MRTFA: variants seen among roughly 807,000 people sequenced by gnomAD.
MRTFA encodes myocardin related transcription factor A.
A neutral mutation model predicts 83.5 loss-of-function variants in MRTFA; 20 were observed. The observed-to-expected ratio is 0.24, with a 90% CI of 0.17 to 0.35. The LOEUF is 0.35. Among genes scored for constraint, MRTFA ranks in the 10% least tolerant of loss-of-function variants. The pLI is 1.00. For synonymous variants in MRTFA, 659 were observed against 541.2 expected (o/e 1.22, Z -3.02); for missense variants, 1,200 against 1,224.7 (o/e 0.98, Z 0.30).
At chr22:40,541,913 G>A (rs2055297461) in intron 3 of MRTFA, among the ~76,000 whole-genome samples, 1 of 152,094 alleles carries the variant, frequency 6.6e-6, no homozygotes. Flanking sequence ...TAATCAGCCT[G>A]CCTCGGCCTC....
chr22:40,576,763 G>C (rs1451615378), intron 2 of MRTFA, among the ~76,000 whole-genome samples: 1 of 152,140 alleles, frequency 6.6e-6, no homozygotes, highest in African/African-American at 2.4e-5. Context: ...TATACCTAAA[G>C]TAGTTTGTTT....
At chr22:40,616,635 T>A (rs540771880) in intron 1 of MRTFA, among the ~76,000 whole-genome samples, 52 of 152,270 alleles carry the variant, frequency 3.4e-4, no homozygotes, top group African/African-American at 1.2e-3. Context: ...CCTTCAGGTT[T>A]CTGACTTATG....
intron 4 of MRTFA, among the ~76,000 whole-genome samples, chr22:40,457,815 T>C (rs2053624222): frequency 6.6e-6 from 1 of 152,204 alleles, no homozygotes; most frequent in South Asian, 2.1e-4. Flanking sequence ...TTCTCAATTA[T>C]AAAAGACTGA....
At chr22:40,593,134 G>T (rs1456574323) in intron 2 of MRTFA, among the ~76,000 whole-genome samples, 1 of 152,048 alleles carries the variant, frequency 6.6e-6, no homozygotes, top group Non-Finnish European at 1.5e-5. Flanking sequence ...AAACCCGCCA[G>T]TCTCCACCCT....
chr22:40,604,154 A>G (rs940278164), intron 1 of MRTFA, among the ~76,000 whole-genome samples: 8 of 149,748 alleles, frequency 5.3e-5, no homozygotes, highest in African/African-American at 2.0e-4. Flanking sequence ...TTTTTGAGAC[A>G]GAGTCTTGCT....
chr22:40,553,682 C>T (rs2055477563), intron 2 of MRTFA, among the ~76,000 whole-genome samples: 1 of 152,182 alleles, frequency 6.6e-6, no homozygotes, highest in Admixed American at 6.5e-5. Flanking sequence ...AGAACCTCTA[C>T]TAGGGCAGTA....
intron 1 of MRTFA, among the ~76,000 whole-genome samples, chr22:40,614,545 T>C (rs997818707): frequency 5.9e-5 from 9 of 152,230 alleles, no homozygotes; most frequent in African/African-American, 2.2e-4. Flanking sequence ...TGGAGTGCAA[T>C]GGCGCGATCT....
At chr22:40,623,375 G>C (rs1030054577) in intron 1 of MRTFA, among the ~76,000 whole-genome samples, 1 of 151,760 alleles carries the variant, frequency 6.6e-6, no homozygotes, top group African/African-American at 2.4e-5. Flanking sequence ...CATTGTGCAG[G>C]TTAGTTACAT....
chr22:40,454,772 T>C (rs1161705920), intron 4 of MRTFA, among the ~76,000 whole-genome samples: 1 of 152,182 alleles, frequency 6.6e-6, no homozygotes, highest in Non-Finnish European at 1.5e-5. Context: ...CTCTTTCTTT[T>C]GTTCGTATGC....
chr22:40,620,423 C>CTTTTTTTTTT (rs747409456), intron 1 of MRTFA, among the ~76,000 whole-genome samples: 292 of 94,204 alleles, frequency 3.1e-3, no homozygotes, highest in African/African-American at 6.2e-3. Context: ...AACATGCAGT[C>CTTTTTTTTTT]TTTTTTTTTT....
In MRTFA at chr22:40,461,659, C is replaced by T. The variant is rs531493244; in HGVS notation, c.307+1562G>A. Among the ~76,000 whole-genome samples the T allele has an allele frequency of 3.3e-5, 5 of 150,302 alleles. No homozygotes were observed. In the South Asian group the frequency reaches 6.4e-4, roughly 19 times the overall value. ...AAAAAAAAAAAAAAAATTAGCCAGG[C>T]GCTGTGGTGGGCACCTGTAGTCCCA... is the stretch of plus-strand genomic sequence containing the variant. On this transcript the variant is annotated intron_variant, in intron 4 of 14. Transcript: ENST00000355630.
At chr22:40,616,687 C>T (rs1013372940) in intron 1 of MRTFA, among the ~76,000 whole-genome samples, 12 of 152,056 alleles carry the variant, frequency 7.9e-5, no homozygotes, top group African/African-American at 1.4e-4. Flanking sequence ...AAATGGGGAA[C>T]GTTGGAGCCA....
intron 2 of MRTFA, among the ~76,000 whole-genome samples, chr22:40,577,235 T>TAAAAAAAAAAAAAAAAAAAAAAAAAA (rs760829183): frequency 3.1e-5 from 2 of 64,440 alleles, no homozygotes; most frequent in African/African-American, 6.0e-5. Flanking sequence ...GACCCTTGTC[T>TAAAAAAAAAAAAAAAAAAAAAAAAAA]AAAAAAAAAA....
At chr22:40,558,111 G>A (rs2055557055) in intron 2 of MRTFA, among the ~76,000 whole-genome samples, 1 of 150,076 alleles carries the variant, frequency 6.7e-6, no homozygotes, top group African/African-American at 2.5e-5. Flanking sequence ...TAAGGGACAG[G>A]GTCTCTCTCT....
chr22:40,571,780 C>A (rs1380881614), intron 2 of MRTFA, among the ~76,000 whole-genome samples: 1 of 150,832 alleles, frequency 6.6e-6, no homozygotes, highest in Non-Finnish European at 1.5e-5. Flanking sequence ...AAAAAGCAGC[C>A]GGGCATGGTG....
intron 4 of MRTFA, among the ~76,000 whole-genome samples, chr22:40,462,678 CCACT>C (rs2053736368): frequency 1.3e-5 from 2 of 152,182 alleles, no homozygotes; most frequent in East Asian, 3.8e-4. Context: ...ACTTCTGCAC[CCACT>C]GAGCCCGGTG....
At chr22:40,417,832 G>T in intron 12 of MRTFA, 1 of 289,112 alleles carries the variant, frequency 3.5e-6, no homozygotes, top group Non-Finnish European at 6.5e-6. Flanking sequence ...TCCTGTCACT[G>T]TCTTCTCTAC....
At chr22:40,615,427 G>C (rs1055753214) in intron 1 of MRTFA, among the ~76,000 whole-genome samples, 1 of 152,046 alleles carries the variant, frequency 6.6e-6, no homozygotes, top group South Asian at 2.1e-4. Flanking sequence ...TCTTCCTCTT[G>C]TAAATTGTTT....
chr22:40,423,537 T>G lies in MRTFA; in HGVS notation c.926A>C (p.Lys309Thr). 6.6e-7 allele frequency: 1 copy of G among 1,517,482 alleles called. No individual in the cohort carries two copies. Among genetic ancestry groups the G allele is most frequent in the Non-Finnish European group, 8.9e-7 (1 of 1,127,534 alleles). 94.0% of individuals were successfully genotyped at this position (1,517,482 alleles called of 1,614,324 possible). Residue 309 changes from lysine (K) to threonine (T), a missense_variant and splice_region_variant, in exon 9 of 15, where the codon AAG becomes ACG. Lys to Thr is a moderately conservative substitution (Grantham distance 78). Transcript: ENST00000355630. ...GTACAATCACTGGCAGAAATGTACCTTAATGAGTGTGGGGGTGGACTTGGC... is the reference window on the plus strand; with the variant it reads ...GTACAATCACTGGCAGAAATGTACCGTAATGAGTGTGGGGGTGGACTTGGC...
Sources: gnomAD v4.1 joint callset for allele counts (sites outside exome capture counted in the v4.1 genomes callset) on GRCh38, gnomAD v4.1.1 for gene constraint, MANE v1.5 for transcripts, NCBI Gene and HGNC (gene_info 2026-07-23, HGNC 2026-07-21) for gene names.